Variants in SLC38A1 observed in about 807,000 individuals in gnomAD.
SLC38A1 encodes the protein solute carrier family 38 member 1, also known as sodium-coupled neutral amino acid symporter 1.
Under a neutral mutation model 60.3 loss-of-function variants are expected in SLC38A1, and 18 were observed. The observed-to-expected ratio is 0.30, with a 90% CI of 0.21 to 0.44. SLC38A1 has a LOEUF of 0.44. SLC38A1 is among the 20% of genes least tolerant of loss of function. The pLI is 1.00. For synonymous variants in SLC38A1, 196 were observed against 212.1 expected, an observed-to-expected ratio of 0.92 and a Z score of 0.66; for missense variants, 448 against 587.2, an observed-to-expected ratio of 0.76 and a Z score of 2.45.
chr12:46,231,170 G>A (rs77991820), intron 3 of SLC38A1, among the ~76,000 whole-genome samples: 2,385 of 152,226 alleles, frequency 0.016, 67 homozygotes, highest in African/African-American at 0.055. Flanking sequence ...AGAGCTGAAG[G>A]TCTATATGAA....
intron 5 of SLC38A1, among the ~76,000 whole-genome samples, chr12:46,213,693 T>C (rs765860552): frequency 1.2e-4 from 18 of 152,248 alleles, no homozygotes; most frequent in Non-Finnish European, 2.1e-4. Context: ...GTGTGAGCCA[T>C]CGTCCTTAAT....
intron 5 of SLC38A1, among the ~76,000 whole-genome samples, chr12:46,225,794 A>G (rs1390277487): frequency 6.6e-6 from 1 of 152,226 alleles, no homozygotes; most frequent in Non-Finnish European, 1.5e-5. Context: ...TCTAAGGTGA[A>G]AGACCCCAAA....
Position 46,184,548 on chromosome 12 carries a change from C to G in SLC38A1, c.*4422G>C, listed in dbSNP as rs1378625483. On this transcript the variant is annotated 3_prime_UTR_variant, in exon 17 of 17. Transcript: ENST00000398637. ...ATCTGATCATATTCCTGACCTCCCC[C>G]CGACTCCAACTAAATGTGCCATAGT... 6.6e-6 allele frequency: 1 copy of G among 152,152 alleles called. No individual in the cohort carries two copies. Among genetic ancestry groups the G allele is most frequent in the East Asian group, 1.9e-4 (1 of 5,192 alleles). The allele number at this position is 152,152 out of a possible 1,614,324, so 9.4% of individuals were successfully genotyped here.
intron 3 of SLC38A1, among the ~76,000 whole-genome samples, chr12:46,236,110 G>A (rs1941249477): frequency 6.6e-6 from 1 of 152,148 alleles, no homozygotes; most frequent in Non-Finnish European, 1.5e-5. Context: ...TACTTTACAT[G>A]AATTTCCTCA....
At chr12:46,257,253 G>C (rs921550665) in intron 1 of SLC38A1, among the ~76,000 whole-genome samples, 2 of 152,174 alleles carry the variant, frequency 1.3e-5, no homozygotes, top group Non-Finnish European at 2.9e-5. Flanking sequence ...AATCCAAAGA[G>C]AATAGCAGTT....
intron 1 of SLC38A1, chr12:46,254,901 C>T (rs930761626): frequency 2.0e-5 from 3 of 152,842 alleles, no homozygotes; most frequent in African/African-American, 7.2e-5. Context: ...TACATAATTG[C>T]TACAAGCTGT....
Position 46,184,265 on chromosome 12 carries a change from A to T in SLC38A1, c.*4705T>A, listed in dbSNP as rs1399409599. The stretch of plus-strand genomic sequence containing the variant: ...ACCTGAAAGCTTTATCTCGTTATAA[A>T]TAATTCACTGTAATTTAGGGGAAGT... On this transcript the variant is annotated 3_prime_UTR_variant, in exon 17 of 17. Coordinates refer to ENST00000398637, the MANE Select transcript of SLC38A1 (RefSeq NM_030674.4). 1 of 152,212 alleles carries T rather than the reference A, an allele frequency of 6.6e-6. No homozygotes were observed. The highest frequency in any genetic ancestry group is 1.5e-5 in the Non-Finnish European group (1 of 68,036). The allele number at this position is 152,212 out of a possible 1,614,324, so 9.4% of individuals were successfully genotyped here. A position where few individuals can be genotyped will look rare whatever the true frequency, so the allele number is the denominator to read the frequency against.
chr12:46,229,017 T>A, intron 5 of SLC38A1, 136 bp downstream of exon 5: 1 of 506,984 alleles, frequency 2.0e-6, no homozygotes, highest in Non-Finnish European at 3.5e-6. Context: ...GCAATAAATA[T>A]CAAAGTATGT....
intron 3 of SLC38A1, among the ~76,000 whole-genome samples, chr12:46,236,047 C>T (rs73278896): frequency 0.012 from 1,760 of 152,168 alleles, 34 homozygotes; most frequent in African/African-American, 0.039. Context: ...GCATTTTTAC[C>T]GATAGACTTT....
intron 5 of SLC38A1, among the ~76,000 whole-genome samples, chr12:46,219,000 A>C (rs1043208634): frequency 6.6e-6 from 1 of 152,204 alleles, no homozygotes; most frequent in Non-Finnish European, 1.5e-5. Flanking sequence ...TGTTACCCCG[A>C]GGAGCAATTT....
chr12:46,246,399 C>T (rs777606952), intron 1 of SLC38A1, among the ~76,000 whole-genome samples: 7 of 152,230 alleles, frequency 4.6e-5, no homozygotes, highest in Admixed American at 6.5e-5. Context: ...GAACCTTGCT[C>T]GCTGCTAGTG....
At chr12:46,255,068 G>C (rs1941976709) in intron 1 of SLC38A1, 1 of 152,212 alleles carries the variant, frequency 6.6e-6, no homozygotes, top group South Asian at 2.1e-4. Flanking sequence ...CTCTGTGAGA[G>C]TTCTGAAAGT....
intron 5 of SLC38A1, among the ~76,000 whole-genome samples, chr12:46,219,374 T>C (rs2137585225): frequency 6.6e-6 from 1 of 152,372 alleles, no homozygotes; most frequent in South Asian, 2.1e-4. Context: ...AAAGATCTCA[T>C]GGAACAATGT....
rs1434138748 is a variant in SLC38A1 at position 46,184,259 on chromosome 12, T to A, written c.*4711A>T. ...GCTTGTACCTGAAAGCTTTATCTCG[T>A]TATAAATAATTCACTGTAATTTAGG... On this transcript the variant is annotated 3_prime_UTR_variant, in exon 17 of 17. Transcript: ENST00000398637. 1 of 152,226 alleles carries A rather than the reference T, an allele frequency of 6.6e-6. No individual in the cohort carries two copies. 9.4% of individuals were successfully genotyped at this position (152,226 alleles called of 1,614,324 possible). A position where few individuals can be genotyped will look rare whatever the true frequency, so the allele number is the denominator to read the frequency against.
intron 1 of SLC38A1, among the ~76,000 whole-genome samples, chr12:46,246,968 CAG>C (rs1941642189): frequency 6.6e-6 from 1 of 152,190 alleles, no homozygotes; most frequent in Non-Finnish European, 1.5e-5. Context: ...AACTAATAAA[CAG>C]AGGGGAATAG....
intron 9 of SLC38A1, among the ~76,000 whole-genome samples, chr12:46,204,829 T>C (rs1434318691): frequency 1.3e-5 from 2 of 152,168 alleles, no homozygotes; most frequent in Non-Finnish European, 2.9e-5. Flanking sequence ...AGAAACATTA[T>C]ATTACGTGTT....
intron 3 of SLC38A1, among the ~76,000 whole-genome samples, chr12:46,238,603 C>A (rs147358122): frequency 7.4e-4 from 112 of 152,360 alleles, no homozygotes; most frequent in African/African-American, 2.7e-3. Context: ...AACTCCCAAG[C>A]TGGAGGCTTC....
At chr12:46,250,283 A>G (rs1941789209) in intron 1 of SLC38A1, among the ~76,000 whole-genome samples, 1 of 152,216 alleles carries the variant, frequency 6.6e-6, no homozygotes. Context: ...GACAAAATTC[A>G]ACAGCGCTTC....
At chr12:46,206,977 G>T (rs536788065) in intron 8 of SLC38A1, among the ~76,000 whole-genome samples, 178 bp downstream of exon 8, 34 of 152,234 alleles carry the variant, frequency 2.2e-4, no homozygotes, top group Admixed American at 5.9e-4. Context: ...ATATGCAAAT[G>T]GCTCTCCTGC....
Sources: allele counts gnomAD v4.1 joint callset (sites outside exome capture counted in the v4.1 genomes callset), GRCh38; gene constraint gnomAD v4.1.1; transcripts MANE v1.5; gene names NCBI Gene and HGNC (gene_info 2026-07-23, HGNC 2026-07-21).